The following FAM135B variants were observed in gnomAD, a reference collection of about 807,000 sequenced individuals.
FAM135B encodes family with sequence similarity 135 member B.
FAM135B carries 43 observed loss-of-function variants against 127.7 expected under a neutral mutation model. The observed-to-expected ratio is 0.34, with a 90% confidence interval of 0.26 to 0.43. The LOEUF (loss-of-function observed/expected upper bound fraction) is 0.43. Ranked by LOEUF, FAM135B falls within the 20% of genes least tolerant of loss-of-function variation. The pLI, the probability that FAM135B is intolerant of heterozygous loss-of-function variation, is 1.00. For missense variants in FAM135B, 1,558 were observed against 1,725.6 expected, an observed-to-expected ratio of 0.90 and a Z score of 1.72; for synonymous variants, 670 against 665.1, an observed-to-expected ratio of 1.01 and a Z score of -0.11.
intron 1 of FAM135B, among the ~76,000 whole-genome samples, chr8:138,465,520 C>A (rs1425562170): frequency 2.6e-5 from 4 of 152,210 alleles, no homozygotes; most frequent in African/African-American, 7.2e-5. Context: ...CGTGCCCATG[C>A]ATGCTTTCTC....
At chr8:138,248,002 T>C (rs1378895162) in intron 6 of FAM135B, among the ~76,000 whole-genome samples, 1 of 152,210 alleles carries the variant, frequency 6.6e-6, no homozygotes, top group African/African-American at 2.4e-5. Context: ...AACAATTACA[T>C]AGCATTCACT....
At chr8:138,229,195 C>T (rs1366916289) in intron 7 of FAM135B, among the ~76,000 whole-genome samples, 1 of 152,122 alleles carries the variant, frequency 6.6e-6, no homozygotes, top group African/African-American at 2.4e-5. Context: ...TGCATCTTCC[C>T]TCCATGCATT....
At chr8:138,191,074 C>G (rs1816078231) in intron 9 of FAM135B, among the ~76,000 whole-genome samples, 1 of 152,188 alleles carries the variant, frequency 6.6e-6, no homozygotes, top group Non-Finnish European at 1.5e-5. Flanking sequence ...TAAATCTCCT[C>G]TAATATTTTA....
chr8:138,300,744 C>CTT (rs34292545), intron 3 of FAM135B, among the ~76,000 whole-genome samples: 2,335 of 100,370 alleles, frequency 0.023, 95 homozygotes, highest in African/African-American at 0.033. Context: ...ATTTTATCCA[C>CTT]TTTTTTTTTT....
In FAM135B at chr8:138,370,482, C is replaced by T. The variant is rs548428557; in HGVS notation, c.-19-2480G>A. Among the ~76,000 whole-genome samples the T allele has an allele frequency of 9.2e-5, 14 of 152,196 alleles. No homozygotes were observed. In the South Asian group the frequency reaches 1.9e-3, roughly 20 times the overall value. ...TTTGTTTGTTTTTGAGATGGAGTCTCGCACTGTCACCCAGGCTGGAGTGCA... is the reference window on the plus strand; with the variant it reads ...TTTGTTTGTTTTTGAGATGGAGTCTTGCACTGTCACCCAGGCTGGAGTGCA... On this transcript the variant is annotated intron_variant, in intron 1 of 19. Transcript: ENST00000395297.
chr8:138,406,935 G>C (rs1391952189), intron 1 of FAM135B, among the ~76,000 whole-genome samples: 2 of 151,172 alleles, frequency 1.3e-5, no homozygotes, highest in African/African-American at 4.9e-5. Flanking sequence ...GGAAATAAAG[G>C]GTATTCAATT....
intron 3 of FAM135B, among the ~76,000 whole-genome samples, chr8:138,301,593 C>G (rs1294931110): frequency 6.6e-6 from 1 of 152,170 alleles, no homozygotes; most frequent in Non-Finnish European, 1.5e-5. Context: ...TCAACAAATA[C>G]ACATGAGATG....
chr8:138,276,869 T>C (rs926879411), intron 3 of FAM135B, among the ~76,000 whole-genome samples: 1 of 152,074 alleles, frequency 6.6e-6, no homozygotes, highest in Non-Finnish European at 1.5e-5. Flanking sequence ...GCTGCCCTGG[T>C]GTAAATCCTC....
intron 14 of FAM135B, 51 bp from the exon 15 acceptor site, chr8:138,146,101 AG>A (rs745329256): frequency 1.1e-6 from 1 of 899,652 alleles, no homozygotes; most frequent in Non-Finnish European, 1.8e-6. Flanking sequence ...GTCATATAAA[AG>A]GTTGACACAC....
At chr8:138,390,303 C>T (rs1189999753) in intron 1 of FAM135B, among the ~76,000 whole-genome samples, 1 of 152,026 alleles carries the variant, frequency 6.6e-6, no homozygotes, top group Non-Finnish European at 1.5e-5. Flanking sequence ...GCGGTTTCCC[C>T]CAGCTGTTTT....
chr8:138,142,703 G>A (rs1817310169), intron 16 of FAM135B, among the ~76,000 whole-genome samples: 1 of 152,064 alleles, frequency 6.6e-6, no homozygotes, highest in South Asian at 2.1e-4. Context: ...TCTGGTACAT[G>A]GCAAGAAACA....
At chr8:138,220,691 G>A (rs910695318) in intron 7 of FAM135B, among the ~76,000 whole-genome samples, 14 of 152,234 alleles carry the variant, frequency 9.2e-5, no homozygotes, top group Admixed American at 7.8e-4. Flanking sequence ...AATTGAAAAC[G>A]GCTATCACTT....
chr8:138,248,155 C>T (rs1256914537), intron 6 of FAM135B, among the ~76,000 whole-genome samples: 1 of 152,132 alleles, frequency 6.6e-6, no homozygotes, highest in Admixed American at 6.5e-5. Context: ...CTGGTATGTA[C>T]CGAAACTGAA....
chr8:138,281,386 T>TA (rs1367132308), intron 3 of FAM135B, among the ~76,000 whole-genome samples: 2 of 152,036 alleles, frequency 1.3e-5, no homozygotes, highest in African/African-American at 4.8e-5. Flanking sequence ...AGGATGTCTC[T>TA]ACTGGCTGTT....
chr8:138,209,082 G>A (rs1206024600), intron 7 of FAM135B, among the ~76,000 whole-genome samples: 1 of 152,022 alleles, frequency 6.6e-6, no homozygotes, highest in Non-Finnish European at 1.5e-5. Flanking sequence ...GCAATCAATG[G>A]GGTCAGTCCC....
intron 2 of FAM135B, among the ~76,000 whole-genome samples, chr8:138,346,382 G>GTT (rs1829410479): frequency 6.6e-6 from 1 of 152,208 alleles, no homozygotes; most frequent in Non-Finnish European, 1.5e-5. Context: ...CACAAATGCA[G>GTT]CACTATTCCC....
chr8:138,203,800 C>T (rs999526128), intron 7 of FAM135B, among the ~76,000 whole-genome samples: 10 of 152,074 alleles, frequency 6.6e-5, no homozygotes, highest in Admixed American at 1.3e-4. Flanking sequence ...ATACGATTCA[C>T]CATAATGTAG....
chr8:138,208,910 GATATAT>G (rs1449758824), intron 7 of FAM135B, among the ~76,000 whole-genome samples: 1 of 152,136 alleles, frequency 6.6e-6, no homozygotes, highest in Non-Finnish European at 1.5e-5. Context: ...TAGATAAGTT[GATATAT>G]TGACTATGAA....
intron 6 of FAM135B, among the ~76,000 whole-genome samples, chr8:138,246,697 TG>T (rs1424519313): frequency 2.0e-5 from 3 of 152,158 alleles, no homozygotes; most frequent in African/African-American, 7.2e-5. Context: ...GAGTCCCCAC[TG>T]GGACACTGCC....
Sources: gnomAD v4.1 joint callset for allele counts (sites outside exome capture counted in the v4.1 genomes callset) on GRCh38, gnomAD v4.1.1 for gene constraint, MANE v1.5 for transcripts, NCBI Gene and HGNC (gene_info 2026-07-23, HGNC 2026-07-21) for gene names.